DLG2: variants seen among roughly 807,000 people sequenced by gnomAD.
DLG2 encodes the protein disks large homolog 2.
Under a neutral mutation model 132.5 loss-of-function variants are expected in DLG2, and 45 were observed. That is an observed-to-expected ratio of 0.34 (90% confidence interval 0.27 to 0.44). The LOEUF is 0.44. DLG2 is among the 20% of genes least tolerant of loss of function. The pLI, the probability that DLG2 is intolerant of heterozygous loss-of-function variation, is 1.00. For synonymous variants in DLG2, 424 were observed against 419.6 expected (o/e 1.01, Z -0.13); for missense variants, 1,045 against 1,196.9 (o/e 0.87, Z 1.87).
chr11:84,417,601 G>T (rs562933703), intron 7 of DLG2, among the ~76,000 whole-genome samples: 2 of 152,080 alleles, frequency 1.3e-5, no homozygotes, highest in Non-Finnish European at 1.5e-5. Flanking sequence ...TTGCTAGGGT[G>T]CCACAAACAC....
intron 6 of DLG2, among the ~76,000 whole-genome samples, chr11:84,662,328 CACCA>C (rs1156674507): frequency 6.6e-6 from 1 of 151,860 alleles, no homozygotes; most frequent in Admixed American, 6.6e-5. Context: ...AGGCACATGC[CACCA>C]TGCCCAGCTA....
At chr11:84,796,445 T>C (rs997011109) in intron 6 of DLG2, among the ~76,000 whole-genome samples, 1 of 152,200 alleles carries the variant, frequency 6.6e-6, no homozygotes, top group African/African-American at 2.4e-5. Flanking sequence ...AGTTGCAGTG[T>C]TATAATATTC....
At chr11:84,452,722 A>G (rs933544613) in intron 7 of DLG2, among the ~76,000 whole-genome samples, 3 of 151,570 alleles carry the variant, frequency 2.0e-5, no homozygotes, top group African/African-American at 4.8e-5. Context: ...CACCAGCTCA[A>G]AGGAAAGCTG....
At chr11:84,420,607 G>A (rs956655280) in intron 7 of DLG2, among the ~76,000 whole-genome samples, 5 of 137,674 alleles carry the variant, frequency 3.6e-5, no homozygotes, top group African/African-American at 1.0e-4. Context: ...TTAATTTGCC[G>A]CTTGTATTTC....
chr11:85,171,507 G>A (rs72945920), intron 4 of DLG2, among the ~76,000 whole-genome samples: 13,921 of 152,220 alleles, frequency 0.091, 849 homozygotes, highest in African/African-American at 0.17. Flanking sequence ...ATGCACAGAG[G>A]CCCAAGGGTT....
intron 4 of DLG2, among the ~76,000 whole-genome samples, chr11:85,179,378 G>A (rs1033742456): frequency 4.0e-5 from 6 of 151,796 alleles, no homozygotes; most frequent in Non-Finnish European, 8.8e-5. Context: ...GATAAATAGT[G>A]AGCAAATAAA....
intron 6 of DLG2, among the ~76,000 whole-genome samples, chr11:84,737,541 G>T (rs1406127730): frequency 6.6e-6 from 1 of 151,538 alleles, no homozygotes; most frequent in Admixed American, 6.6e-5. Context: ...TGATGTGTAT[G>T]TATTTTTGTG....
chr11:85,495,447 A>G (rs1368216210), intron 3 of DLG2, among the ~76,000 whole-genome samples: 1 of 152,210 alleles, frequency 6.6e-6, no homozygotes, highest in Non-Finnish European at 1.5e-5. Flanking sequence ...GAAAAAACAA[A>G]CAACCCCATC....
intron 6 of DLG2, among the ~76,000 whole-genome samples, chr11:84,576,088 C>T (rs144184404): frequency 4.1e-4 from 63 of 152,296 alleles, no homozygotes; most frequent in African/African-American, 1.4e-3. Context: ...AAAAGGTCTA[C>T]TCTAGTCACT....
rs562640430 is a variant in DLG2, at chr11:84,381,705, A to T, written c.520-130414T>A. ...CTCCCTCCTAAAATGCTAATGAACC[A>T]GTGTATCATTTTCTGTGGTTATAAA... On this transcript the variant is annotated intron_variant, in intron 7 of 27. Transcript: ENST00000376104. 2.4e-4 allele frequency among the ~76,000 whole-genome samples: 37 copies of T among 152,338 alleles called. 1 individual carries two copies. In the South Asian group the frequency reaches 7.7e-3, roughly 32 times the overall value.
chr11:83,706,343 A>G (rs1410348569), intron 18 of DLG2, among the ~76,000 whole-genome samples: 1 of 152,130 alleles, frequency 6.6e-6, no homozygotes, highest in African/African-American at 2.4e-5. Context: ...TCTAGTGCCT[A>G]GACATGGTAC....
At chr11:83,733,240 C>CAAAAAA (rs71066061) in intron 18 of DLG2, among the ~76,000 whole-genome samples, 19 of 46,124 alleles carry the variant, frequency 4.1e-4, no homozygotes, top group Admixed American at 2.1e-3. Flanking sequence ...GACCCCATCT[C>CAAAAAA]AAAAAAAAAA....
intron 7 of DLG2, among the ~76,000 whole-genome samples, chr11:84,420,059 C>T (rs948005490): frequency 6.6e-6 from 1 of 152,178 alleles, no homozygotes; most frequent in African/African-American, 2.4e-5. Flanking sequence ...TTAGAGAGAT[C>T]ATGTTTGCCT....
intron 3 of DLG2, among the ~76,000 whole-genome samples, chr11:85,592,340 C>T (rs1456943673): frequency 6.6e-6 from 1 of 151,992 alleles, no homozygotes; most frequent in Non-Finnish European, 1.5e-5. Context: ...CATAATAGAC[C>T]TTAGCAACTA....
At chr11:84,312,282 A>G (rs2098295352) in intron 7 of DLG2, among the ~76,000 whole-genome samples, 1 of 152,180 alleles carries the variant, frequency 6.6e-6, no homozygotes, top group African/African-American at 2.4e-5. Flanking sequence ...CAGACTGGCC[A>G]ATATGGTGAA....
intron 18 of DLG2, among the ~76,000 whole-genome samples, chr11:83,781,500 G>A (rs1269432059): frequency 6.6e-6 from 1 of 152,122 alleles, no homozygotes. Context: ...TCTGCTTTTT[G>A]GGCTTTTCTT....
intron 4 of DLG2, among the ~76,000 whole-genome samples, chr11:85,210,800 A>G (rs1241033955): frequency 6.6e-6 from 1 of 152,118 alleles, no homozygotes; most frequent in African/African-American, 2.4e-5. Context: ...AACTTAGCTG[A>G]AACTTCTTTA....
intron 16 of DLG2, among the ~76,000 whole-genome samples, chr11:83,842,672 C>T (rs1301791614): frequency 2.0e-5 from 3 of 151,628 alleles, no homozygotes; most frequent in African/African-American, 4.8e-5. Context: ...AAAAATTAGC[C>T]GGGCATGGTG....
At chr11:83,625,305 C>A (rs2062325163) in intron 19 of DLG2, among the ~76,000 whole-genome samples, 1 of 152,146 alleles carries the variant, frequency 6.6e-6, no homozygotes, top group African/African-American at 2.4e-5. Flanking sequence ...AATCCATCGC[C>A]AAGTGAAGCT....
Sources: gnomAD v4.1 joint callset for allele counts (sites outside exome capture counted in the v4.1 genomes callset) on GRCh38, gnomAD v4.1.1 for gene constraint, MANE v1.5 for transcripts, NCBI Gene and HGNC (gene_info 2026-07-23, HGNC 2026-07-21) for gene names.